Variants in TEDC2 observed in about 807,000 individuals in gnomAD.
TEDC2 encodes the protein tubulin epsilon and delta complex protein 2.
In TEDC2, 49 loss-of-function variants were observed where a neutral mutation model predicts 48.1. That is an observed-to-expected ratio of 1.02 (90% CI 0.81 to 1.29). The LOEUF (loss-of-function observed/expected upper bound fraction) is 1.29, where lower values mean the gene tolerates loss of function less well. Ranked by LOEUF, TEDC2 falls within the 50% of genes most tolerant of loss-of-function variation. TEDC2 has a pLI of 0.00. For synonymous variants in TEDC2, 299 were observed against 247.1 expected, an observed-to-expected ratio of 1.21 and a Z score of -1.97; for missense variants, 631 against 571.4, an observed-to-expected ratio of 1.10 and a Z score of -1.06.
Position 2,460,978 on chromosome 16 carries a change from C to T in TEDC2, c.359C>T (p.Ser120Phe), listed in dbSNP as rs2065462959. The change falls in exon 4 of 10, where the codon TCC becomes TTC. Residue 120 changes from serine to phenylalanine, a missense_variant. Physicochemically the swap from Ser to Phe is radical, Grantham distance 155. Transcript: ENST00000361837. ...GTCACCTCTTCTGGCACGACAGCCT[C>T]CGCCCCACCGCATTCCCCAGGCCAA... Reference protein sequence around the residue: ...SIVTSSGTTASAPPHSPGQAG... With the variant: ...SIVTSSGTTAFAPPHSPGQAG... 6.2e-7 allele frequency: 1 copy of T among 1,613,260 alleles called. No individual in the cohort carries two copies. Among genetic ancestry groups the T allele is most frequent in the Non-Finnish European group, 8.5e-7 (1 of 1,180,014 alleles).
At chr16:2,463,968 C>G in intron 8 of TEDC2, 71 bp from the exon 9 acceptor site, 2 of 1,511,472 alleles carry the variant, frequency 1.3e-6, no homozygotes, top group Non-Finnish European at 1.8e-6. Flanking sequence ...GCGGGAGGGC[C>G]AGGCACACAG....
intron 8 of TEDC2, among the ~76,000 whole-genome samples, chr16:2,463,073 G>A (rs1355724560): frequency 6.6e-6 from 1 of 152,226 alleles, no homozygotes; most frequent in Non-Finnish European, 1.5e-5. Flanking sequence ...TGTAATCCCA[G>A]CGCTTTGGGA....
At chr16:2,460,445 C>T (rs917479410) in intron 2 of TEDC2, 64 bp downstream of exon 2, 7 of 1,531,112 alleles carry the variant, frequency 4.6e-6, no homozygotes, top group Middle Eastern at 1.7e-4. Flanking sequence ...GCCCCGAGCG[C>T]CCAGGGCTGG....
chr16:2,464,163 G>A lies in TEDC2; in HGVS notation c.1089G>A (p.Glu363=), dbSNP rs1374239750. 1.2e-6 allele frequency: 2 copies of A among 1,612,682 alleles called. No individual in the cohort carries two copies. The highest frequency in any genetic ancestry group is 1.3e-5 in the African/African-American group (1 of 75,062). The part of the protein sequence containing the change: ...PQLLVYSSTQ[E]LQTLAALKLR... ...TGCTTGTCTACTCCAGCACCCAGGA[G>A]CTGCAGACCCTGGCGGCCCTCAAGC... Residue 363 remains glutamate, a synonymous_variant, in exon 9 of 10, where the codon GAG becomes GAA. Transcript: ENST00000361837.
chr16:2,464,808 C>T lies in TEDC2; in HGVS notation c.*140C>T. On this transcript the variant is annotated 3_prime_UTR_variant, in exon 10 of 10. Coordinates refer to ENST00000361837, the MANE Select transcript of TEDC2 (RefSeq NM_025108.3). ...ACCAGGTGGCCTCACTGGCTCTTCT[C>T]AGGACAACTAAGCCTGCTGGTCAGG... 1.7e-6 allele frequency: 2 copies of T among 1,203,510 alleles called. No homozygotes were observed. The highest frequency in any genetic ancestry group is 2.6e-5 in the East Asian group (1 of 39,104). 74.6% of individuals were successfully genotyped at this position (1,203,510 alleles called of 1,614,324 possible). A position where few individuals can be genotyped will look rare whatever the true frequency, so the allele number is the denominator to read the frequency against.
Position 2,464,227 on chromosome 16 carries a change from AAGGTGCTTCTGGAAG to A in TEDC2, c.1155+2_1155+16del, listed in dbSNP as rs1169463283. On this transcript the variant is annotated splice_donor_variant and splice_donor_5th_base_variant and coding_sequence_variant and intron_variant, in exon 9 of 10. Coordinates refer to ENST00000361837, the MANE Select transcript of TEDC2 (RefSeq NM_025108.3). LOFTEE classifies it high-confidence loss of function. ...GCTGGACCAGCAGATCCACTTGGAA[AAGGTGCTTCTGGAAG>A]AGGAGGTGGGGGTGCAACAGAGGTC... is the stretch of plus-strand genomic sequence containing the variant. 8.1e-6 allele frequency: 13 copies of A among 1,611,366 alleles called. No individual in the cohort carries two copies. The highest frequency in any genetic ancestry group is 1.0e-5 in the Non-Finnish European group (12 of 1,179,386).
At position 2,461,631 on chromosome 16, in the gene TEDC2, G is replaced by T. The variant is rs182849406; in HGVS notation, c.606-116G>T. ...TCCAAGGGGGCTCATCCTTGGTGGGGTCGGGTGTGGGAGAGGGGCAAGAAG... is the reference window on the plus strand; with the variant it reads ...TCCAAGGGGGCTCATCCTTGGTGGGTTCGGGTGTGGGAGAGGGGCAAGAAG... On this transcript the variant is annotated intron_variant, in intron 4 of 9. Transcript: ENST00000361837. The T allele has an allele frequency of 5.0e-5, 64 of 1,276,376 alleles. No individual in the cohort carries two copies. The East Asian group carries it at 1.4e-3, about 29-fold the overall frequency. The allele number at this position is 1,276,376 out of a possible 1,614,324, so 79.1% of individuals were successfully genotyped here. A position where few individuals can be genotyped will look rare whatever the true frequency, so the allele number is the denominator to read the frequency against.
intron 7 of TEDC2, 46 bp downstream of exon 7, chr16:2,462,572 T>G (rs1567395847): frequency 2.6e-6 from 4 of 1,559,894 alleles, no homozygotes; most frequent in Admixed American, 1.9e-5. Context: ...GGAGGGCCAG[T>G]GCAGGGAGGG....
chr16:2,462,619 A>G lies in TEDC2; in HGVS notation c.863-12A>G, dbSNP rs986294497. On this transcript the variant is annotated splice_polypyrimidine_tract_variant and intron_variant, in intron 7 of 9. Transcript: ENST00000361837. ...CCACGGGCCCCACCTGCTCTCCCTGACTCTTCTGCAGCCCCCATGGACTGG... is the reference window on the plus strand; with the variant it reads ...CCACGGGCCCCACCTGCTCTCCCTGGCTCTTCTGCAGCCCCCATGGACTGG... 3.3e-6 allele frequency: 5 copies of G among 1,537,072 alleles called. No homozygotes were observed. The Admixed American group carries it at 8.0e-5, about 25-fold the overall frequency.
At chr16:2,462,006 G>GC (rs2065469834) in intron 5 of TEDC2, 143 bp from the exon 6 acceptor site, 1 of 1,078,046 alleles carries the variant, frequency 9.3e-7, no homozygotes, top group African/African-American at 1.6e-5. Context: ...GCCTCTGGAG[G>GC]CCCCTCCTGG....
chr16:2,461,681 C>G, intron 4 of TEDC2, 66 bp from the exon 5 acceptor site: 1 of 1,584,802 alleles, frequency 6.3e-7, no homozygotes, highest in Non-Finnish European at 8.7e-7. Context: ...GGGCTCTGAG[C>G]AGGAAGTGGG....
intron 9 of TEDC2, 133 bp from the exon 10 acceptor site, chr16:2,464,389 G>C (rs1490511405): frequency 1.5e-6 from 2 of 1,322,402 alleles, no homozygotes; most frequent in Non-Finnish European, 2.0e-6. Flanking sequence ...GACGGGGCTG[G>C]GACGGCAGGA....
chr16:2,462,030 C>G, intron 5 of TEDC2, 119 bp from the exon 6 acceptor site: 1 of 1,195,726 alleles, frequency 8.4e-7, no homozygotes, highest in Non-Finnish European at 1.2e-6. Flanking sequence ...TCAGCAGAGC[C>G]AGACGCCCAG....
chr16:2,462,908 C>T (rs1218872297), intron 8 of TEDC2, among the ~76,000 whole-genome samples, 176 bp downstream of exon 8: 3 of 152,220 alleles, frequency 2.0e-5, no homozygotes. Context: ...CCTCACCAGT[C>T]GTCCTATGGG....
At position 2,460,838 on chromosome 16, in the gene TEDC2, C is replaced by G. The variant is rs756076514; in HGVS notation, c.219C>G (p.Asp73Glu). The change falls in exon 4 of 10, where the codon GAC becomes GAG. Residue 73 changes from aspartate to glutamate, a missense_variant. Physicochemically the swap from Asp to Glu is conservative, Grantham distance 45. Transcript: ENST00000361837. ...PLPACTPSPQ[D>E]LKELEFLTQA... ...CAGCATGCACACCCAGTCCACAAGA[C>G]CTCAAAGAGTTGGAGTTTCTGACCC... The G allele has an allele frequency of 2.5e-5, 40 of 1,612,868 alleles. No homozygotes were observed. The East Asian group carries it at 8.9e-4, about 36-fold the overall frequency.
rs766822569 is a variant in TEDC2, at chr16:2,460,601, A to G, written c.126-22A>G. The stretch of plus-strand genomic sequence containing the variant: ...CTGGGCCCTGCCTCCTGGCCGTGCG[A>G]CGGCTGCCCGTGTCTTTGCAGGGAA... On this transcript the variant is annotated intron_variant, in intron 2 of 9. Coordinates refer to ENST00000361837, the MANE Select transcript of TEDC2 (RefSeq NM_025108.3). 1.9e-6 allele frequency: 3 copies of G among 1,612,152 alleles called. No individual in the cohort carries two copies. The South Asian group carries it at 3.3e-5, about 18-fold the overall frequency.
At position 2,462,178 on chromosome 16, in the gene TEDC2, C is replaced by G. The variant is rs746939546; in HGVS notation, c.689C>G (p.Thr230Ser). Reference protein sequence around the residue: ...SLWAQLSSTQTSDSTDAAAAK... With the variant: ...SLWAQLSSTQSSDSTDAAAAK... ...TGGGCCCAGCTCAGTTCCACACAGA[C>G]CAGTGATTCCACGGATGCCGCCGCT... is the stretch of plus-strand genomic sequence containing the variant. The change falls in exon 6 of 10, where the codon ACC becomes AGC. Residue 230 changes from threonine to serine, a missense_variant. Transcript: ENST00000361837. 6.2e-7 allele frequency: 1 copy of G among 1,613,366 alleles called. No individual in the cohort carries two copies. Among genetic ancestry groups the G allele is most frequent in the South Asian group, 1.1e-5 (1 of 91,084 alleles).
rs1394929190 is a variant in TEDC2 at position 2,461,039 on chromosome 16, G to C, written c.420G>C (p.Lys140Asn). Reference protein sequence around the residue: ...GGHASDTRPTKGLRQTTVPAK... With the variant: ...GGHASDTRPTNGLRQTTVPAK... ...ATGCTTCAGACACGAGACCCACCAAGGGCCTCCGCCAGACCACGGTGCCTG... is the reference window on the plus strand; with the variant it reads ...ATGCTTCAGACACGAGACCCACCAACGGCCTCCGCCAGACCACGGTGCCTG... Residue 140 changes from lysine to asparagine, a missense_variant, in exon 4 of 10, where the codon AAG (lysine) becomes AAC (asparagine). Coordinates refer to ENST00000361837, the MANE Select transcript of TEDC2 (RefSeq NM_025108.3). 3 of 1,611,100 alleles carry C rather than the reference G, an allele frequency of 1.9e-6. No homozygotes were observed. Among genetic ancestry groups the C allele is most frequent in the East Asian group, 4.5e-5 (2 of 44,832 alleles).
At chr16:2,461,913 T>G in intron 5 of TEDC2, 113 bp downstream of exon 5, 1 of 1,363,652 alleles carries the variant, frequency 7.3e-7, no homozygotes. Context: ...CTTTGCTGAG[T>G]GGGATCACTG....
Sources: gnomAD v4.1 joint callset for allele counts (sites outside exome capture counted in the v4.1 genomes callset) on GRCh38, gnomAD v4.1.1 for gene constraint, MANE v1.5 for transcripts, NCBI Gene and HGNC (gene_info 2026-07-23, HGNC 2026-07-21) for gene names.